TTLL7: variants seen among roughly 807,000 people sequenced by gnomAD.
The protein encoded by TTLL7 is tubulin tyrosine ligase like 7.
A neutral mutation model predicts 120.2 loss-of-function variants in TTLL7; 53 were observed. The observed-to-expected ratio is 0.44, with a 90% CI of 0.35 to 0.55. The LOEUF (loss-of-function observed/expected upper bound fraction) is 0.55, where lower values mean the gene tolerates loss of function less well. Among genes scored for constraint, TTLL7 ranks in the 20% least tolerant of loss-of-function variants. The probability of loss-of-function intolerance (pLI) is 0.00; values close to 1 mark genes in which losing one functional copy is unlikely to be tolerated. For synonymous variants in TTLL7, 353 were observed against 351.7 expected, an observed-to-expected ratio of 1.00 and a Z score of -0.04; for missense variants, 803 against 1,054.7, an observed-to-expected ratio of 0.76 and a Z score of 3.31.
intron 19 of TTLL7, among the ~76,000 whole-genome samples, chr1:83,888,262 A>G (rs1016855133): frequency 3.3e-5 from 5 of 152,042 alleles, no homozygotes; most frequent in Admixed American, 1.3e-4. Context: ...AAACATTTCC[A>G]TTATAAATTC....
intron 20 of TTLL7, among the ~76,000 whole-genome samples, chr1:83,881,278 A>G (rs1429157293): frequency 6.6e-6 from 1 of 150,850 alleles, no homozygotes; most frequent in Non-Finnish European, 1.5e-5. Context: ...GCAGAGCAAA[A>G]GAAACTACCA....
At chr1:83,906,582 AAAGG>A in intron 16 of TTLL7, 119 bp from the exon 17 acceptor site, 1 of 1,454,346 alleles carries the variant, frequency 6.9e-7, no homozygotes, top group Non-Finnish European at 9.3e-7. Flanking sequence ...TAACAATGAA[AAAGG>A]AAGAAAATTT....
Position 83,922,609 on chromosome 1 carries a change from T to C in TTLL7, c.1143-1215A>G, listed in dbSNP as rs369309096. ...GGAATAATTTGAGAAAATAAATAAA[T>C]GCATCCAGAAAACTGCAAGTCATTC... is the stretch of plus-strand genomic sequence containing the variant. On this transcript the variant is annotated intron_variant, in intron 10 of 20. Coordinates refer to ENST00000260505, the MANE Select transcript of TTLL7 (RefSeq NM_024686.6). Among the ~76,000 whole-genome samples the C allele has an allele frequency of 4.4e-4, 67 of 152,176 alleles. 1 individual carries two copies. The South Asian group carries it at 0.013, about 29-fold the overall frequency.
chr1:83,951,065 G>A (rs539947000), intron 3 of TTLL7, among the ~76,000 whole-genome samples: 4 of 152,010 alleles, frequency 2.6e-5, no homozygotes, highest in Admixed American at 6.6e-5. Flanking sequence ...TAGAAGGAAC[G>A]TAGGCTGGGC....
At chr1:83,932,623 C>A (rs1210106490) in intron 9 of TTLL7, among the ~76,000 whole-genome samples, 3 of 152,038 alleles carry the variant, frequency 2.0e-5, no homozygotes, top group African/African-American at 7.2e-5. Context: ...AGTGTCATTT[C>A]TTTGAAATGT....
chr1:83,900,772 T>C (rs1434511712), intron 18 of TTLL7, among the ~76,000 whole-genome samples: 2 of 152,050 alleles, frequency 1.3e-5, no homozygotes, highest in Non-Finnish European at 2.9e-5. Flanking sequence ...GAACATGTCA[T>C]TTTAATAGAT....
intron 10 of TTLL7, 117 bp downstream of exon 10, chr1:83,929,019 G>A: frequency 2.2e-6 from 1 of 446,512 alleles, no homozygotes; most frequent in Non-Finnish European, 3.7e-6. Context: ...ATCAAGAAAT[G>A]AAAATTATAA....
intron 13 of TTLL7, among the ~76,000 whole-genome samples, chr1:83,918,197 G>T (rs990135876): frequency 6.6e-6 from 1 of 152,110 alleles, no homozygotes; most frequent in African/African-American, 2.4e-5. Flanking sequence ...AAATTTTAAT[G>T]ATTGCACAAA....
At chr1:83,922,515 C>A (rs1475875069) in intron 10 of TTLL7, among the ~76,000 whole-genome samples, 1 of 152,124 alleles carries the variant, frequency 6.6e-6, no homozygotes, top group Non-Finnish European at 1.5e-5. Context: ...TGTTAGGAAA[C>A]TGATCCATTC....
chr1:83,943,914 T>G (rs972588444), intron 6 of TTLL7, among the ~76,000 whole-genome samples: 3 of 152,208 alleles, frequency 2.0e-5, no homozygotes, highest in East Asian at 1.9e-4. Context: ...ATGAGAACAG[T>G]GTCTCACTAA....
At chr1:83,965,729 A>C (rs1650398908) in intron 1 of TTLL7, among the ~76,000 whole-genome samples, 1 of 152,112 alleles carries the variant, frequency 6.6e-6, no homozygotes, top group South Asian at 2.1e-4. Flanking sequence ...CAGCGCAGGC[A>C]TTGTGCTCTG....
intron 19 of TTLL7, among the ~76,000 whole-genome samples, chr1:83,888,216 T>C (rs997215467): frequency 2.0e-5 from 3 of 151,980 alleles, no homozygotes; most frequent in Non-Finnish European, 4.4e-5. Flanking sequence ...GGGATTCATA[T>C]ATAGCATCAA....
chr1:83,946,711 C>G (rs1440368601), intron 6 of TTLL7, among the ~76,000 whole-genome samples: 6 of 152,064 alleles, frequency 3.9e-5, no homozygotes. Context: ...ATGTATTTTC[C>G]TTCAAGATTT....
At chr1:83,985,856 G>A (rs1402795994) in intron 1 of TTLL7, among the ~76,000 whole-genome samples, 2 of 151,886 alleles carry the variant, frequency 1.3e-5, no homozygotes, top group Non-Finnish European at 2.9e-5. Context: ...CCCAATCTCA[G>A]GCAAGATAAA....
intron 1 of TTLL7, among the ~76,000 whole-genome samples, chr1:83,989,717 T>G (rs1652805785): frequency 6.6e-6 from 1 of 152,176 alleles, no homozygotes; most frequent in Non-Finnish European, 1.5e-5. Context: ...GAAAAATGAC[T>G]TTGGTAGCTT....
At chr1:83,871,595 T>C (rs1318547785) in intron 20 of TTLL7, among the ~76,000 whole-genome samples, 3 of 152,054 alleles carry the variant, frequency 2.0e-5, no homozygotes, top group African/African-American at 2.4e-5. Flanking sequence ...TCACTTGACA[T>C]TAGAATTCTC....
At chr1:83,940,134 G>T (rs1647810021) in intron 7 of TTLL7, among the ~76,000 whole-genome samples, 1 of 152,050 alleles carries the variant, frequency 6.6e-6, no homozygotes. Flanking sequence ...ATAGCAAAAT[G>T]AGACCTAGAG....
intron 18 of TTLL7, among the ~76,000 whole-genome samples, chr1:83,892,426 GAACA>G (rs1557563790): frequency 7.9e-6 from 1 of 126,326 alleles, no homozygotes; most frequent in South Asian, 2.5e-4. Context: ...ACATATATAT[GAACA>G]TATATATGAA....
At chr1:83,961,673 T>C (rs1047877231) in intron 1 of TTLL7, among the ~76,000 whole-genome samples, 1 of 151,966 alleles carries the variant, frequency 6.6e-6, no homozygotes, top group African/African-American at 2.4e-5. Flanking sequence ...GAAGACAAGG[T>C]TATTTCATAA....
Sources: allele counts gnomAD v4.1 joint callset (sites outside exome capture counted in the v4.1 genomes callset), GRCh38; gene constraint gnomAD v4.1.1; transcripts MANE v1.5; gene names NCBI Gene and HGNC (gene_info 2026-07-23, HGNC 2026-07-21).